The following MRAP variants were observed in gnomAD, a reference collection of about 807,000 sequenced individuals.
The protein encoded by MRAP is melanocortin 2 receptor accessory protein.
A neutral mutation model predicts 8.7 loss-of-function variants in MRAP; 8 were observed. The ratio of observed to expected loss-of-function variants is 0.92; its 90% CI spans 0.54 to 1.66. MRAP has a LOEUF of 1.66. Ranked by LOEUF, MRAP falls within the 40% of genes most tolerant of loss-of-function variation. The probability of loss-of-function intolerance (pLI) is 0.00; values close to 1 mark genes in which losing one functional copy is unlikely to be tolerated. For synonymous variants in MRAP, 95 were observed against 95.5 expected (o/e 1.00, Z 0.03); for missense variants, 237 against 217.1 (o/e 1.09, Z -0.58).
At chr21:32,305,295 T>G (rs1370975013) in intron 1 of MRAP, among the ~76,000 whole-genome samples, 1 of 152,088 alleles carries the variant, frequency 6.6e-6, no homozygotes, top group Non-Finnish European at 1.5e-5. Flanking sequence ...GTTTTTAATG[T>G]TACATTTTAG....
intron 1 of MRAP, among the ~76,000 whole-genome samples, chr21:32,303,349 A>G (rs1278286091): frequency 1.3e-5 from 2 of 152,216 alleles, no homozygotes; most frequent in Admixed American, 6.5e-5. Flanking sequence ...GAGGAATGCT[A>G]AAACTGTTTA....
At chr21:32,303,567 A>T (rs1417281113) in intron 1 of MRAP, among the ~76,000 whole-genome samples, 2 of 152,202 alleles carry the variant, frequency 1.3e-5, no homozygotes, top group East Asian at 1.9e-4. Flanking sequence ...GAAGGAGGGA[A>T]GAGAGGAGAG....
At chr21:32,297,153 G>A (rs942568690), upstream of MRAP, among the ~76,000 whole-genome samples, 14 of 152,114 alleles carry the variant, frequency 9.2e-5, no homozygotes, top group African/African-American at 3.4e-4. Context: ...TGAGTAATGG[G>A]GTAAGAGAAG....
chr21:32,311,254 C>T lies in MRAP; in HGVS notation c.207-430C>T, dbSNP rs1009772245. On this transcript the variant is annotated intron_variant, in intron 2 of 2. Transcript: ENST00000303645. ...TCAATTACCTCCCACTGGGTCCTTC[C>T]CACGACACGTGGGGATTATTACAAT... The T allele has an allele frequency of 6.2e-5, 11 of 176,694 alleles. No individual in the cohort carries two copies. The South Asian group carries it at 1.4e-3, about 22-fold the overall frequency. 10.9% of individuals were successfully genotyped at this position (176,694 alleles called of 1,614,324 possible).
At chr21:32,300,745 T>C (rs1405510677) in intron 1 of MRAP, among the ~76,000 whole-genome samples, 1 of 147,088 alleles carries the variant, frequency 6.8e-6, no homozygotes, top group African/African-American at 2.6e-5. Flanking sequence ...TATGTCAGTG[T>C]GTCGTGCGTC....
At chr21:32,302,700 G>A (rs1169837977) in intron 1 of MRAP, among the ~76,000 whole-genome samples, 1 of 152,160 alleles carries the variant, frequency 6.6e-6, no homozygotes, top group African/African-American at 2.4e-5. Flanking sequence ...CATCACATCC[G>A]TGTTCACGGA....
At chr21:32,311,423 CATCCTAAAT>C in intron 2 of MRAP, 1 of 292,250 alleles carries the variant, frequency 3.4e-6, no homozygotes, top group South Asian at 1.1e-4. Context: ...CCACCCCCCC[CATCCTAAAT>C]CAATGTAGGA....
chr21:32,314,575 G>A (rs202051369), downstream of MRAP: 25 of 1,614,070 alleles, frequency 1.5e-5, no homozygotes, highest in Middle Eastern at 4.9e-4. Flanking sequence ...AATCTCTTCT[G>A]CATTCAGAAG....
intron 2 of MRAP, chr21:32,293,155 G>A (rs1483572965): frequency 6.6e-6 from 1 of 152,244 alleles, no homozygotes; most frequent in Non-Finnish European, 1.5e-5. Flanking sequence ...TGAAAGCAGG[G>A]GAGGACGGCA....
In MRAP at chr21:32,298,995, T is replaced by TG; in HGVS notation, c.25dup (p.Ala9GlyfsTer7). 1 of 1,614,148 alleles carries TG rather than the reference T, an allele frequency of 6.2e-7. No individual in the cohort carries two copies. The highest frequency in any genetic ancestry group is 8.5e-7 in the Non-Finnish European group (1 of 1,179,970). ...ACATGGCCAACGGGACCAACGCCTC[T>TG]GCCCCATACTACAGCTATGAATACT... On this transcript the variant is annotated frameshift_variant, in exon 1 of 3. Transcript: ENST00000303645. LOFTEE classifies it high-confidence loss of function.
intron 2 of MRAP, chr21:32,311,345 A>C: frequency 3.4e-6 from 1 of 290,066 alleles, no homozygotes. Flanking sequence ...GGCTTGGGCT[A>C]TGGATATAAA....
chr21:32,305,344 G>A (rs1040329735), intron 1 of MRAP, among the ~76,000 whole-genome samples: 12 of 152,008 alleles, frequency 7.9e-5, no homozygotes, highest in African/African-American at 2.9e-4. Flanking sequence ...AGTTTTTCCT[G>A]CTATCTCTCA....
chr21:32,297,892 G>C (rs375046699), upstream of MRAP, among the ~76,000 whole-genome samples: 1 of 152,206 alleles, frequency 6.6e-6, no homozygotes, highest in Non-Finnish European at 1.5e-5. Context: ...GGCGTGGCAG[G>C]CCTCAGCAAA....
intron 2 of MRAP, 54 bp downstream of exon 2, chr21:32,306,793 A>G: frequency 1.5e-6 from 2 of 1,371,876 alleles, no homozygotes; most frequent in South Asian, 2.3e-5. Flanking sequence ...TCCAGTGAGT[A>G]ACAGTGCAGG....
At chr21:32,302,414 G>C (rs974874784) in intron 1 of MRAP, among the ~76,000 whole-genome samples, 2 of 152,252 alleles carry the variant, frequency 1.3e-5, no homozygotes, top group African/African-American at 4.8e-5. Context: ...CCATGGTAGA[G>C]AGAGGATGAT....
intron 2 of MRAP, among the ~76,000 whole-genome samples, chr21:32,309,470 A>C (rs1268622811): frequency 6.7e-6 from 1 of 149,540 alleles, no homozygotes; most frequent in Non-Finnish European, 1.5e-5. Context: ...TTTGTTTTTG[A>C]GACAAGAATC....
At chr21:32,294,766 G>A (rs987548291), upstream of MRAP, among the ~76,000 whole-genome samples, 6 of 152,026 alleles carry the variant, frequency 3.9e-5, no homozygotes, top group Non-Finnish European at 8.8e-5. Flanking sequence ...GGATTGCAGG[G>A]AACACGATCA....
intron 1 of MRAP, among the ~76,000 whole-genome samples, chr21:32,300,908 T>C (rs2032277405): frequency 6.6e-6 from 1 of 152,102 alleles, no homozygotes; most frequent in Non-Finnish European, 1.5e-5. Flanking sequence ...CGGGGCGTCA[T>C]GTGTCTATGT....
At chr21:32,292,518 G>A (rs1034097926) in intron 1 of MRAP, among the ~76,000 whole-genome samples, 9 of 152,112 alleles carry the variant, frequency 5.9e-5, no homozygotes, top group East Asian at 1.9e-4. Context: ...ATACAGTGGC[G>A]TGATCTTGGC....
Sources: gnomAD v4.1 joint callset for allele counts (sites outside exome capture counted in the v4.1 genomes callset) on GRCh38, gnomAD v4.1.1 for gene constraint, MANE v1.5 for transcripts, NCBI Gene and HGNC (gene_info 2026-07-23, HGNC 2026-07-21) for gene names.